ZC3H14: variants seen among roughly 807,000 people sequenced by gnomAD.
The protein encoded by ZC3H14 is zinc finger CCCH domain-containing protein 14.
In ZC3H14, 31 loss-of-function variants were observed where a neutral mutation model predicts 92.4. That is an observed-to-expected ratio of 0.34 (90% CI 0.25 to 0.45). The LOEUF is 0.45. Among genes scored for constraint, ZC3H14 ranks in the 20% least tolerant of loss-of-function variants. The pLI, the probability that ZC3H14 is intolerant of heterozygous loss-of-function variation, is 1.00. For synonymous variants in ZC3H14, 321 were observed against 300.9 expected (o/e 1.07, Z -0.69); for missense variants, 781 against 897.3 (o/e 0.87, Z 1.66).
In ZC3H14 at chr14:88,617,768, A is replaced by G. The variant is rs2087963875; in HGVS notation, c.*6017A>G. The G allele has an allele frequency of 6.5e-6, 1 of 153,848 alleles. No homozygotes were observed. The highest frequency in any genetic ancestry group is 1.4e-5 in the Non-Finnish European group (1 of 69,214). The allele number at this position is 153,848 out of a possible 1,614,324, so 9.5% of individuals were successfully genotyped here. A position where few individuals can be genotyped will look rare whatever the true frequency, so the allele number is the denominator to read the frequency against. ...GCATGAGCCACTATATGCCTGGCTG[A>G]TACAGGAATTTGATGGCATTTTTCA... On this transcript the variant is annotated 3_prime_UTR_variant, in exon 17 of 17. Coordinates refer to ENST00000251038, the MANE Select transcript of ZC3H14 (RefSeq NM_024824.5).
At chr14:88,576,632 G>T (rs2081193111) in intron 8 of ZC3H14, among the ~76,000 whole-genome samples, 1 of 152,184 alleles carries the variant, frequency 6.6e-6, no homozygotes, top group African/African-American at 2.4e-5. Context: ...GTGTAAACTT[G>T]TGTTAAGAAG....
Position 88,618,186 on chromosome 14 carries a change from C to T in ZC3H14, c.*6435C>T, listed in dbSNP as rs545277903. On this transcript the variant is annotated 3_prime_UTR_variant, in exon 17 of 17. Coordinates refer to ENST00000251038, the MANE Select transcript of ZC3H14 (RefSeq NM_024824.5). ...TCAGAAATAGGATTTTCTAACTGGCCTTCAAAGTCAGTTCTTGCCTTGTGA... is the reference window on the plus strand; with the variant it reads ...TCAGAAATAGGATTTTCTAACTGGCTTTCAAAGTCAGTTCTTGCCTTGTGA... The T allele has an allele frequency of 1.1e-5, 17 of 1,558,226 alleles. No individual in the cohort carries two copies. Among genetic ancestry groups the T allele is most frequent in the Non-Finnish European group, 1.4e-5 (16 of 1,133,098 alleles).
Position 88,572,022 on chromosome 14 carries a change from C to G in ZC3H14, c.236-8C>G. 1 of 1,605,508 alleles carries G rather than the reference C, an allele frequency of 6.2e-7. No individual in the cohort carries two copies. Among genetic ancestry groups the G allele is most frequent in the East Asian group, 2.2e-5 (1 of 44,770 alleles). On this transcript the variant is annotated splice_region_variant and splice_polypyrimidine_tract_variant and intron_variant, in intron 4 of 16. Coordinates refer to ENST00000251038, the MANE Select transcript of ZC3H14 (RefSeq NM_024824.5). ...AATAGATTAAAAGGACTGTATTTTT[C>G]TTTTCAGAACCCTCTAGTCTGAAGT... is the stretch of plus-strand genomic sequence containing the variant.
chr14:88,571,033 G>C, intron 3 of ZC3H14, 51 bp from the exon 4 acceptor site: 1 of 1,418,666 alleles, frequency 7.0e-7, no homozygotes, highest in Non-Finnish European at 9.5e-7. Context: ...CAGTTGAAAT[G>C]AAATCTTTCT....
At chr14:88,609,555 A>G in intron 14 of ZC3H14, 152 bp downstream of exon 14, 1 of 1,356,934 alleles carries the variant, frequency 7.4e-7, no homozygotes, top group Non-Finnish European at 1.0e-6. Context: ...AAGTGTGCCT[A>G]TCTGTAGTAT....
chr14:88,591,813 G>C (rs963716917), intron 9 of ZC3H14: 2 of 152,194 alleles, frequency 1.3e-5, no homozygotes, highest in African/African-American at 4.8e-5. Context: ...ATACTACCCA[G>C]AGTTCTCTGT....
Position 88,626,840 on chromosome 14 carries a change from C to T in ZC3H14, c.*15089C>T, listed in dbSNP as rs1290951376. On this transcript the variant is annotated 3_prime_UTR_variant, in exon 17 of 17. Transcript: ENST00000251038. ...TATGTGCATTTTAAGAGACATACTGCACCAAATGCAATAGCGAGCATGGTC... is the reference window on the plus strand; with the variant it reads ...TATGTGCATTTTAAGAGACATACTGTACCAAATGCAATAGCGAGCATGGTC... 6.2e-7 allele frequency: 1 copy of T among 1,613,760 alleles called. No individual in the cohort carries two copies. The highest frequency in any genetic ancestry group is 8.5e-7 in the Non-Finnish European group (1 of 1,179,824).
rs1230958653 is a variant in ZC3H14 at position 88,616,638 on chromosome 14, A to G, written c.*4887A>G. The G allele has an allele frequency of 7.6e-7, 1 of 1,314,290 alleles. No homozygotes were observed. The highest frequency in any genetic ancestry group is 1.5e-5 in the African/African-American group (1 of 67,304). 81.4% of individuals were successfully genotyped at this position (1,314,290 alleles called of 1,614,324 possible). A position where few individuals can be genotyped will look rare whatever the true frequency, so the allele number is the denominator to read the frequency against. ...GGGAAAAATTTAGAAATTAGGACAA[A>G]ACATTTTAAATATATGGGGAAAAGT... On this transcript the variant is annotated 3_prime_UTR_variant, in exon 17 of 17. Transcript: ENST00000251038.
At chr14:88,576,051 A>G (rs1429640095) in intron 8 of ZC3H14, 111 bp downstream of exon 8, 2 of 951,658 alleles carry the variant, frequency 2.1e-6, no homozygotes, top group East Asian at 5.2e-5. Context: ...TCAGATGTCA[A>G]GACCAAGATG....
At chr14:88,569,051 C>T (rs2080065822) in intron 3 of ZC3H14, among the ~76,000 whole-genome samples, 1 of 151,986 alleles carries the variant, frequency 6.6e-6, no homozygotes, top group Non-Finnish European at 1.5e-5. Context: ...ATTTTTTGTT[C>T]AGACAGGGTC....
At chr14:88,594,715 C>A in intron 9 of ZC3H14, 1 of 1,613,898 alleles carries the variant, frequency 6.2e-7, no homozygotes, top group Non-Finnish European at 8.5e-7. Context: ...CTTTGAGGTT[C>A]CTGTCACCTT....
chr14:88,619,082 T>A lies in ZC3H14; in HGVS notation c.*7331T>A, dbSNP rs1194466792. 2 of 241,362 alleles carry A rather than the reference T, an allele frequency of 8.3e-6. No homozygotes were observed. Among genetic ancestry groups the A allele is most frequent in the African/African-American group, 4.5e-5 (2 of 44,216 alleles). 15.0% of individuals were successfully genotyped at this position (241,362 alleles called of 1,614,324 possible). On this transcript the variant is annotated 3_prime_UTR_variant, in exon 17 of 17. Coordinates refer to ENST00000251038, the MANE Select transcript of ZC3H14 (RefSeq NM_024824.5). ...GTCTAATGGCTTAAAAAAACTTTCT[T>A]AGGCCAGGCCCAGTGGCTCACACCT...
chr14:88,616,313 A>C lies in ZC3H14; in HGVS notation c.*4562A>C, dbSNP rs137907554. On this transcript the variant is annotated 3_prime_UTR_variant, in exon 17 of 17. Coordinates refer to ENST00000251038, the MANE Select transcript of ZC3H14 (RefSeq NM_024824.5). ...AAGTCAAAGGCTCTTATTAGGAACT[A>C]TAATCTCTATGACAAGAGCTGTGGA... The C allele has an allele frequency of 5.6e-4, 793 of 1,405,974 alleles. 4 individuals carry two copies. The African/African-American group carries it at 0.01, about 19-fold the overall frequency. 87.1% of individuals were successfully genotyped at this position (1,405,974 alleles called of 1,614,324 possible).
At chr14:88,595,171 G>A (rs891317972) in intron 9 of ZC3H14, 16 of 1,593,778 alleles carry the variant, frequency 1.0e-5, no homozygotes, top group South Asian at 3.4e-5. Flanking sequence ...ATCTTTCCAC[G>A]TATGTTGACT....
chr14:88,617,015 T>A lies in ZC3H14; in HGVS notation c.*5264T>A. ...ATACAGGAAGTAAATTATGGTAAGT[T>A]GTTTGGAGACCTGAATTTCATCAGG... On this transcript the variant is annotated 3_prime_UTR_variant, in exon 17 of 17. Coordinates refer to ENST00000251038, the MANE Select transcript of ZC3H14 (RefSeq NM_024824.5). 1.4e-6 allele frequency: 1 copy of A among 707,114 alleles called. No homozygotes were observed. The highest frequency in any genetic ancestry group is 2.2e-6 in the Non-Finnish European group (1 of 452,892). 43.8% of individuals were successfully genotyped at this position (707,114 alleles called of 1,614,324 possible). A position where few individuals can be genotyped will look rare whatever the true frequency, so the allele number is the denominator to read the frequency against.
At chr14:88,576,721 T>TA (rs1163673625) in intron 8 of ZC3H14, among the ~76,000 whole-genome samples, 1 of 152,206 alleles carries the variant, frequency 6.6e-6, no homozygotes, top group African/African-American at 2.4e-5. Flanking sequence ...TTGCCCTGCT[T>TA]ATCCACTCTC....
chr14:88,615,963 C>T lies in ZC3H14; in HGVS notation c.*4212C>T, dbSNP rs2087545343. ...AGGTTACATGTGTAATATTTTTCCTCTTTAACTCCTTTTATTCTGTATTTG... is the reference window on the plus strand; with the variant it reads ...AGGTTACATGTGTAATATTTTTCCTTTTTAACTCCTTTTATTCTGTATTTG... On this transcript the variant is annotated 3_prime_UTR_variant, in exon 17 of 17. Coordinates refer to ENST00000251038, the MANE Select transcript of ZC3H14 (RefSeq NM_024824.5). 2 of 1,330,854 alleles carry T rather than the reference C, an allele frequency of 1.5e-6. No individual in the cohort carries two copies. The highest frequency in any genetic ancestry group is 2.1e-6 in the Non-Finnish European group (2 of 960,818). 82.4% of individuals were successfully genotyped at this position (1,330,854 alleles called of 1,614,324 possible). A position where few individuals can be genotyped will look rare whatever the true frequency, so the allele number is the denominator to read the frequency against.
rs770854021 is a variant in ZC3H14, at chr14:88,616,280, G to A, written c.*4529G>A. 4 of 1,584,450 alleles carry A rather than the reference G, an allele frequency of 2.5e-6. No individual in the cohort carries two copies. Among genetic ancestry groups the A allele is most frequent in the Admixed American group, 1.7e-5 (1 of 59,954 alleles). Reference sequence around the variant, plus strand: ...GACAGACAAGCTCAGGGCATTTGGTGCACACAGAAGTCAAAGGCTCTTATT... The same window carrying A: ...GACAGACAAGCTCAGGGCATTTGGTACACACAGAAGTCAAAGGCTCTTATT... On this transcript the variant is annotated 3_prime_UTR_variant, in exon 17 of 17. Coordinates refer to ENST00000251038, the MANE Select transcript of ZC3H14 (RefSeq NM_024824.5).
intron 3 of ZC3H14, among the ~76,000 whole-genome samples, chr14:88,569,504 A>G (rs1367148252): frequency 1.3e-5 from 2 of 152,194 alleles, no homozygotes; most frequent in South Asian, 2.1e-4. Flanking sequence ...TCAACTTAAG[A>G]TGCTAGGTCC....
Sources: gnomAD v4.1 joint callset for allele counts (sites outside exome capture counted in the v4.1 genomes callset) on GRCh38, gnomAD v4.1.1 for gene constraint, MANE v1.5 for transcripts, NCBI Gene and HGNC (gene_info 2026-07-23, HGNC 2026-07-21) for gene names.